Variants in KIAA1549L observed in about 807,000 individuals in gnomAD.
KIAA1549L encodes the protein KIAA1549 like, also known as UPF0606 protein KIAA1549L.
Under a neutral mutation model 160.7 loss-of-function variants are expected in KIAA1549L, and 88 were observed. The observed-to-expected ratio is 0.55, with a 90% CI of 0.46 to 0.65. The LOEUF is 0.65. KIAA1549L is among the 30% of genes least tolerant of loss of function. The probability of loss-of-function intolerance (pLI) is 0.00; values close to 1 mark genes in which losing one functional copy is unlikely to be tolerated. For synonymous variants in KIAA1549L, 950 were observed against 976.7 expected (o/e 0.97, Z 0.51); for missense variants, 2,258 against 2,437.5 (o/e 0.93, Z 1.55).
intron 1 of KIAA1549L, among the ~76,000 whole-genome samples, chr11:33,411,099 G>C (rs1201931615): frequency 6.6e-6 from 1 of 152,192 alleles, no homozygotes; most frequent in Non-Finnish European, 1.5e-5. Context: ...CAGTCTGCTA[G>C]TCTAGACCAG....
At chr11:33,454,681 A>G (rs150018478) in intron 1 of KIAA1549L, among the ~76,000 whole-genome samples, 1 of 152,284 alleles carries the variant, frequency 6.6e-6, no homozygotes, top group African/African-American at 2.4e-5. Context: ...AAGTCATTTT[A>G]GAGAGGCATC....
Position 33,551,243 on chromosome 11 carries a change from C to T in KIAA1549L, c.3705C>T (p.Tyr1235=). The change falls in exon 5 of 21, where the codon TAC becomes TAT. Residue 1235 remains tyrosine (Y), a synonymous_variant. Coordinates refer to ENST00000658780, the MANE Select transcript of KIAA1549L (RefSeq NM_012194.3). The stretch of plus-strand genomic sequence containing the variant: ...CATGGAATCCCCAGCCTGCAGGCTA[C>T]TTCCAGCTAAAAACAGGCAAGTGAC... ...ASPWNPQPAG[Y]FQLKTVLQFV... is the part of the protein sequence containing the mutation. The T allele has an allele frequency of 6.2e-7, 1 of 1,613,042 alleles. No homozygotes were observed. The highest frequency in any genetic ancestry group is 1.1e-5 in the South Asian group (1 of 91,010).
At chr11:33,576,721 C>A (rs1266623879) in intron 10 of KIAA1549L, among the ~76,000 whole-genome samples, 1 of 152,170 alleles carries the variant, frequency 6.6e-6, no homozygotes, top group Admixed American at 6.5e-5. Flanking sequence ...GGAAGCGGGG[C>A]TCAGAGGAAT....
chr11:33,435,063 G>A (rs1009349450), intron 1 of KIAA1549L, among the ~76,000 whole-genome samples: 3 of 152,152 alleles, frequency 2.0e-5, no homozygotes, highest in Non-Finnish European at 4.4e-5. Flanking sequence ...TTATTTCCTA[G>A]AAATGATAAA....
chr11:33,517,044 G>A (rs1022245295), intron 1 of KIAA1549L, among the ~76,000 whole-genome samples: 1 of 152,188 alleles, frequency 6.6e-6, no homozygotes, highest in Non-Finnish European at 1.5e-5. Context: ...AAATGACACA[G>A]CTTTGGAACA....
intron 1 of KIAA1549L, among the ~76,000 whole-genome samples, chr11:33,481,504 T>G (rs1348996022): frequency 6.6e-6 from 1 of 152,232 alleles, no homozygotes; most frequent in Non-Finnish European, 1.5e-5. Flanking sequence ...AATCATTTTT[T>G]ATTTAAGTTG....
intron 1 of KIAA1549L, among the ~76,000 whole-genome samples, chr11:33,427,912 G>A (rs1410744664): frequency 6.6e-6 from 1 of 152,188 alleles, no homozygotes; most frequent in South Asian, 2.1e-4. Context: ...CATAATGTTT[G>A]CAAGGTTCAT....
At chr11:33,611,778 GC>G in intron 15 of KIAA1549L, among the ~76,000 whole-genome samples, 1 of 152,136 alleles carries the variant, frequency 6.6e-6, no homozygotes, top group Non-Finnish European at 1.5e-5. Context: ...GAGAGGTGGG[GC>G]TAAATTTTAT....
chr11:33,380,827 C>T (rs1392461931), intron 1 of KIAA1549L, among the ~76,000 whole-genome samples: 1 of 152,018 alleles, frequency 6.6e-6, no homozygotes, highest in African/African-American at 2.4e-5. Flanking sequence ...ATAGTTTTGA[C>T]CTGGGACGTC....
chr11:33,605,193 T>TTG (rs1206793556), intron 13 of KIAA1549L, among the ~76,000 whole-genome samples: 6 of 147,930 alleles, frequency 4.1e-5, no homozygotes, highest in African/African-American at 1.3e-4. Context: ...TTGTTTTGTT[T>TTG]TTTTACAACT....
chr11:33,487,030 T>A (rs1162416902), intron 1 of KIAA1549L, among the ~76,000 whole-genome samples: 3 of 152,218 alleles, frequency 2.0e-5, no homozygotes, highest in Non-Finnish European at 2.9e-5. Flanking sequence ...ATTATGTGGA[T>A]CTCCATAGCA....
At chr11:33,639,868 A>G (rs1851540621) in intron 16 of KIAA1549L, among the ~76,000 whole-genome samples, 1 of 152,194 alleles carries the variant, frequency 6.6e-6, no homozygotes, top group Non-Finnish European at 1.5e-5. Context: ...ACACAAGGAT[A>G]CTTACTCCAG....
At chr11:33,587,383 C>A (rs758055966) in intron 11 of KIAA1549L, among the ~76,000 whole-genome samples, 1 of 152,172 alleles carries the variant, frequency 6.6e-6, no homozygotes, top group African/African-American at 2.4e-5. Context: ...AGCTAAAAGA[C>A]CGCTACCCTG....
chr11:33,478,810 C>T (rs1016494612), intron 1 of KIAA1549L, among the ~76,000 whole-genome samples: 4 of 152,172 alleles, frequency 2.6e-5, no homozygotes, highest in Non-Finnish European at 5.9e-5. Flanking sequence ...GATCTCGGCT[C>T]ACTGCAACCT....
intron 1 of KIAA1549L, among the ~76,000 whole-genome samples, chr11:33,476,415 G>A (rs1382357618): frequency 1.3e-5 from 2 of 152,160 alleles, no homozygotes; most frequent in African/African-American, 4.8e-5. Flanking sequence ...TCCAAGAAGA[G>A]GAGGAACTAG....
At chr11:33,618,492 G>A (rs769224810) in intron 15 of KIAA1549L, 41 bp from the exon 16 acceptor site, 6 of 1,564,666 alleles carry the variant, frequency 3.8e-6, no homozygotes, top group South Asian at 3.5e-5. Flanking sequence ...CCATCTGTCA[G>A]GGCATTTGCT....
At chr11:33,632,718 A>G (rs994747132) in intron 16 of KIAA1549L, among the ~76,000 whole-genome samples, 12 of 152,192 alleles carry the variant, frequency 7.9e-5, no homozygotes, top group African/African-American at 2.9e-4. Flanking sequence ...AGCTAGAACT[A>G]CTACTACCAT....
chr11:33,581,018 G>A (rs1421319657), intron 10 of KIAA1549L, among the ~76,000 whole-genome samples: 6 of 152,172 alleles, frequency 3.9e-5, no homozygotes, highest in Non-Finnish European at 8.8e-5. Flanking sequence ...TTCCAGGCAG[G>A]GAGAAGACAG....
At chr11:33,628,746 C>G (rs1297094661) in intron 16 of KIAA1549L, among the ~76,000 whole-genome samples, 1 of 150,898 alleles carries the variant, frequency 6.6e-6, no homozygotes, top group East Asian at 1.9e-4. Context: ...TCCAATTTGC[C>G]AGTCTGTGTC....
Sources: gnomAD v4.1 joint callset for allele counts (sites outside exome capture counted in the v4.1 genomes callset) on GRCh38, gnomAD v4.1.1 for gene constraint, MANE v1.5 for transcripts, NCBI Gene and HGNC (gene_info 2026-07-23, HGNC 2026-07-21) for gene names.